VPS13A: variants seen among roughly 807,000 people sequenced by gnomAD.
VPS13A encodes intermembrane lipid transfer protein VPS13A.
In VPS13A, 264 loss-of-function variants were observed where a neutral mutation model predicts 390.9. The ratio of observed to expected loss-of-function variants is 0.68; its 90% CI spans 0.61 to 0.75. The LOEUF (loss-of-function observed/expected upper bound fraction) is 0.75. VPS13A is among the 30% of genes least tolerant of loss of function. The pLI is 0.00. For synonymous variants in VPS13A, 1,231 were observed against 1,227.1 expected, an observed-to-expected ratio of 1.00 and a Z score of -0.07; for missense variants, 3,409 against 3,733.9, an observed-to-expected ratio of 0.91 and a Z score of 2.27.
Position 77,186,949 on chromosome 9 carries a change from C to T in VPS13A, c.100+9145C>T, listed in dbSNP as rs116587841. The stretch of plus-strand genomic sequence containing the variant: ...ATTCTACTTTTGATGTCTGTAAATT[C>T]GAATACTTGAAGTATAAGTGGAATT... On this transcript the variant is annotated intron_variant, in intron 1 of 71. Coordinates refer to ENST00000360280, the MANE Select transcript of VPS13A (RefSeq NM_033305.3). Among the ~76,000 whole-genome samples, 895 of 152,208 alleles carry T rather than the reference C, an allele frequency of 5.9e-3. 8 individuals carry two copies. Among genetic ancestry groups the T allele is most frequent in the Middle Eastern group, 0.02 (6 of 294 alleles).
intron 34 of VPS13A, 133 bp from the exon 35 acceptor site, chr9:77,307,812 T>G: frequency 1.4e-6 from 1 of 739,346 alleles, no homozygotes; most frequent in South Asian, 1.9e-5. Context: ...ATATTCAGTT[T>G]GTAAAAATGT....
At chr9:77,188,730 T>C (rs1378622742) in intron 1 of VPS13A, among the ~76,000 whole-genome samples, 1 of 152,226 alleles carries the variant, frequency 6.6e-6, no homozygotes, top group African/African-American at 2.4e-5. Context: ...TGAACTAATT[T>C]ACATTCCCAC....
chr9:77,337,142 A>G, intron 46 of VPS13A, 113 bp from the exon 47 acceptor site: 1 of 1,083,044 alleles, frequency 9.2e-7, no homozygotes, highest in Non-Finnish European at 1.3e-6. Context: ...AAATATAAAA[A>G]TGTACTACAA....
intron 68 of VPS13A, among the ~76,000 whole-genome samples, chr9:77,392,636 G>A (rs1463855137): frequency 2.6e-5 from 4 of 151,774 alleles, no homozygotes; most frequent in Admixed American, 6.6e-5. Context: ...CAAGTCACAC[G>A]CATATATTTG....
intron 33 of VPS13A, among the ~76,000 whole-genome samples, 187 bp downstream of exon 33, chr9:77,296,033 A>G (rs1182560564): frequency 1.3e-5 from 2 of 152,220 alleles, no homozygotes; most frequent in Non-Finnish European, 2.9e-5. Flanking sequence ...TAAAAAACCT[A>G]GAAAGTGTTT....
At chr9:77,338,809 G>A (rs926560093) in intron 47 of VPS13A, 3 of 152,272 alleles carry the variant, frequency 2.0e-5, no homozygotes, top group Non-Finnish European at 4.4e-5. Context: ...TTATATTTCT[G>A]TTCTCATAGA....
At chr9:77,184,755 A>T (rs983504688) in intron 1 of VPS13A, among the ~76,000 whole-genome samples, 3 of 152,082 alleles carry the variant, frequency 2.0e-5, no homozygotes, top group African/African-American at 7.2e-5. Context: ...ATGTTGAACT[A>T]GCCTTGCATA....
chr9:77,401,792 A>T (rs1834408118), intron 68 of VPS13A, among the ~76,000 whole-genome samples: 1 of 152,226 alleles, frequency 6.6e-6, no homozygotes, highest in Admixed American at 6.5e-5. Flanking sequence ...AGTTTCAGTT[A>T]CCCATGGCCA....
Position 77,415,974 on chromosome 9 carries a change from C to T in VPS13A, c.9493C>T (p.Gln3165Ter), listed in dbSNP as rs145817629. ...ACCGCAGTGGATCCTCACAAAGCTA[C>T]AAGAAGCAAGAGAACCTTCTCCGAG... ...EDARWILTKL[Q>*]EAREPSPSL The change falls in exon 72 of 72, where the codon CAA becomes TAA. Residue 3165 changes from glutamine to a stop codon, truncating the protein, a stop_gained. Coordinates refer to ENST00000360280, the MANE Select transcript of VPS13A (RefSeq NM_033305.3). LOFTEE classifies it high-confidence loss of function. 1.2e-6 allele frequency: 2 copies of T among 1,613,404 alleles called. No individual in the cohort carries two copies. Among genetic ancestry groups the T allele is most frequent in the African/African-American group, 1.3e-5 (1 of 74,894 alleles).
chr9:77,379,751 A>AC (rs1259016006), intron 67 of VPS13A, among the ~76,000 whole-genome samples: 1 of 152,216 alleles, frequency 6.6e-6, no homozygotes, highest in African/African-American at 2.4e-5. Context: ...TATTATTGAG[A>AC]CATGTTTTAT....
chr9:77,289,142 G>GGGT (rs1197311506), intron 31 of VPS13A, among the ~76,000 whole-genome samples: 1 of 152,100 alleles, frequency 6.6e-6, no homozygotes, highest in East Asian at 1.9e-4. Context: ...GTGTTGCCCA[G>GGGT]GGTGGTCTTG....
intron 19 of VPS13A, among the ~76,000 whole-genome samples, chr9:77,240,856 C>T (rs1363867280): frequency 6.6e-6 from 1 of 152,020 alleles, no homozygotes; most frequent in African/African-American, 2.4e-5. Context: ...AGAGGGCATT[C>T]TGTCTTTAGG....
intron 22 of VPS13A, among the ~76,000 whole-genome samples, chr9:77,257,000 A>G (rs554845929): frequency 1.3e-5 from 2 of 152,298 alleles, no homozygotes; most frequent in South Asian, 2.1e-4. Context: ...TAAAGTAAAT[A>G]CAGATGGGGA....
chr9:77,303,866 A>G (rs1462855115), intron 34 of VPS13A, among the ~76,000 whole-genome samples: 1 of 152,168 alleles, frequency 6.6e-6, no homozygotes, highest in East Asian at 1.9e-4. Flanking sequence ...CTCCTATCTC[A>G]GAATTGAACA....
At chr9:77,285,331 G>A (rs1356203136) in intron 31 of VPS13A, among the ~76,000 whole-genome samples, 2 of 152,230 alleles carry the variant, frequency 1.3e-5, no homozygotes, top group African/African-American at 4.8e-5. Flanking sequence ...AAGGGTGGGA[G>A]CCCCCAGACC....
intron 10 of VPS13A, among the ~76,000 whole-genome samples, 180 bp downstream of exon 10, chr9:77,214,566 A>G (rs1822750293): frequency 1.3e-5 from 2 of 152,114 alleles, no homozygotes; most frequent in African/African-American, 2.4e-5. Flanking sequence ...TTTTATTGTT[A>G]TGAAGCTTTT....
At chr9:77,291,903 A>G (rs1192198803) in intron 31 of VPS13A, among the ~76,000 whole-genome samples, 3 of 151,986 alleles carry the variant, frequency 2.0e-5, no homozygotes, top group Non-Finnish European at 4.4e-5. Flanking sequence ...GGGATTGACT[A>G]TCCTTCCCTT....
intron 9 of VPS13A, among the ~76,000 whole-genome samples, chr9:77,213,693 G>A (rs1465685161): frequency 1.3e-5 from 2 of 151,842 alleles, no homozygotes; most frequent in Non-Finnish European, 2.9e-5. Flanking sequence ...GTAGAGACAA[G>A]GTCTCACTTT....
intron 8 of VPS13A, 85 bp from the exon 9 acceptor site, chr9:77,213,149 C>T (rs1826065777): frequency 6.6e-7 from 1 of 1,525,310 alleles, no homozygotes. Context: ...TGATATGGCT[C>T]ACTTAATTAT....
Sources: gnomAD v4.1 joint callset for allele counts (sites outside exome capture counted in the v4.1 genomes callset) on GRCh38, gnomAD v4.1.1 for gene constraint, MANE v1.5 for transcripts, NCBI Gene and HGNC (gene_info 2026-07-23, HGNC 2026-07-21) for gene names.